C1orf167: variants seen among roughly 807,000 people sequenced by gnomAD.
The protein encoded by C1orf167 is uncharacterized protein C1orf167.
Under a neutral mutation model 176.5 loss-of-function variants are expected in C1orf167, and 153 were observed. That is an observed-to-expected ratio of 0.87 (90% CI 0.76 to 0.99). The LOEUF is 0.99. Ranked by LOEUF, C1orf167 falls within the 50% of genes least tolerant of loss-of-function variation. The probability of loss-of-function intolerance (pLI) is 0.00; values close to 1 mark genes in which losing one functional copy is unlikely to be tolerated. For missense variants in C1orf167, 1,490 were observed against 1,817.7 expected (o/e 0.82, Z 3.28); for synonymous variants, 594 against 752.7 (o/e 0.79, Z 3.45).
At chr1:11,771,683 G>A (rs1362108113) in intron 7 of C1orf167, 47 bp downstream of exon 7, 3 of 1,234,828 alleles carry the variant, frequency 2.4e-6, no homozygotes, top group Non-Finnish European at 3.2e-6. Context: ...GCCTGGCCAC[G>A]CAGGGCCTGA....
At chr1:11,775,372 C>A in intron 8 of C1orf167, 63 bp from the exon 9 acceptor site, 1 of 1,196,788 alleles carries the variant, frequency 8.4e-7, no homozygotes. Flanking sequence ...CAATGGCAGG[C>A]AGCTGGAGCC....
Position 11,768,082 on chromosome 1 carries a change from A to G in C1orf167, c.1349A>G (p.Gln450Arg). ...TAPESEAICW[Q>R]LLSRCFRSWR... ...CAGCCCTGGTCTGTCCCCAGCTGGC[A>G]GCTGTTGTCCAGATGTTTTCGATCC... Residue 450 changes from glutamine (Q) to arginine (R), a missense_variant, in exon 5 of 21, where the codon CAG (glutamine) becomes CGG (arginine). Coordinates refer to ENST00000688073, the MANE Select transcript of C1orf167 (RefSeq NM_001010881.2). The surrounding 1 kb of genome is among the most constrained non-coding windows in gnomAD (Gnocchi z 4.5). 7.8e-7 allele frequency: 1 copy of G among 1,286,142 alleles called. No homozygotes were observed. The allele number at this position is 1,286,142 out of a possible 1,614,324, so 79.7% of individuals were successfully genotyped here.
Position 11,771,644 on chromosome 1 carries a change from G to A in C1orf167, c.1810+8G>A, listed in dbSNP as rs923983701. 22 of 1,288,668 alleles carry A rather than the reference G, an allele frequency of 1.7e-5. No individual in the cohort carries two copies. The highest frequency in any genetic ancestry group is 4.6e-5 in the African/African-American group (3 of 65,864). The allele number at this position is 1,288,668 out of a possible 1,614,324, so 79.8% of individuals were successfully genotyped here. A position where few individuals can be genotyped will look rare whatever the true frequency, so the allele number is the denominator to read the frequency against. On this transcript the variant is annotated splice_region_variant and intron_variant, in intron 7 of 20. Transcript: ENST00000688073. ...AGGCCCTGCAACTGGCTGGTGAGAC[G>A]TGGGGTGCTGGGAAAGCGGGGAGAT...
chr1:11,766,884 AC>A lies in C1orf167; in HGVS notation c.1099del (p.Gln367ArgfsTer97). 7.9e-7 allele frequency: 1 copy of A among 1,261,724 alleles called. No individual in the cohort carries two copies. Among genetic ancestry groups the A allele is most frequent in the South Asian group, 1.3e-5 (1 of 76,732 alleles). 78.2% of individuals were successfully genotyped at this position (1,261,724 alleles called of 1,614,324 possible). On this transcript the variant is annotated frameshift_variant, in exon 3 of 21. Coordinates refer to ENST00000688073, the MANE Select transcript of C1orf167 (RefSeq NM_001010881.2). LOFTEE classifies it high-confidence loss of function. This position sits in a 1 kb window ranked among gnomAD's most constrained non-coding sequence, Gnocchi z 4.5. ...CSPWSQDGRA[Q>X]RGDPSLPRGV... The stretch of plus-strand genomic sequence containing the variant: ...CCCCCTGGTCTCAAGATGGCAGGGC[AC>A]AGAGGGGTGACCCCAGTCTCCCTCG...
chr1:11,764,650 G>C (rs1321570237), intron 2 of C1orf167, among the ~76,000 whole-genome samples, 180 bp downstream of exon 2: 1 of 152,216 alleles, frequency 6.6e-6, no homozygotes, highest in African/African-American at 2.4e-5. Context: ...TAAGGAGGGG[G>C]GTCTTGGGAG....
In C1orf167 at chr1:11,766,336, A is replaced by C; in HGVS notation, c.550A>C (p.Thr184Pro). The change falls in exon 3 of 21, where the codon ACT becomes CCT. Residue 184 changes from threonine to proline, a missense_variant. Transcript: ENST00000688073. This position sits in a 1 kb window ranked among gnomAD's most constrained non-coding sequence, Gnocchi z 4.5. ...CACCCCTAGCGGGGACTTCAGGCCC[A>C]CTGAAGCCTTTGCCCCTCTCGATGG... ...PGTPSGDFRP[T>P]EAFAPLDGHT... 1 of 1,282,156 alleles carries C rather than the reference A, an allele frequency of 7.8e-7. No individual in the cohort carries two copies. The highest frequency in any genetic ancestry group is 1.0e-6 in the Non-Finnish European group (1 of 985,650). 79.4% of individuals were successfully genotyped at this position (1,282,156 alleles called of 1,614,324 possible).
At chr1:11,787,334 C>G (rs1051200948) in intron 16 of C1orf167, 54 bp from the exon 17 acceptor site, 113 of 1,151,664 alleles carry the variant, frequency 9.8e-5, no homozygotes, top group Middle Eastern at 5.9e-4. Flanking sequence ...CAGCGGGGCC[C>G]CAGGAAGTCC....
intron 13 of C1orf167, among the ~76,000 whole-genome samples, chr1:11,781,421 G>C (rs1055590266): frequency 5.3e-5 from 8 of 152,144 alleles, no homozygotes; most frequent in Admixed American, 6.5e-5. Flanking sequence ...CCCAGGACAC[G>C]AACACAGGAT....
rs150449128 is a variant in C1orf167, at chr1:11,787,460, C to T, written c.3640C>T (p.Arg1214Trp). ...ATCACTGCAGTGCAGCCTGGGTGGACGGAGGAAGCCAAGGGGAACGGCCTG... is the reference window on the plus strand; with the variant it reads ...ATCACTGCAGTGCAGCCTGGGTGGATGGAGGAAGCCAAGGGGAACGGCCTG... Reference protein sequence around the residue: ...APSLQCSLGGRRKPRGTAWAQ... With the variant: ...APSLQCSLGGWRKPRGTAWAQ... The change falls in exon 17 of 21, where the codon CGG becomes TGG. Residue 1214 changes from arginine (R) to tryptophan (W), a missense_variant. Coordinates refer to ENST00000688073, the MANE Select transcript of C1orf167 (RefSeq NM_001010881.2). The T allele has an allele frequency of 4.9e-4, 639 of 1,303,288 alleles. 3 individuals are homozygous for T. The African/African-American group carries it at 8.2e-3, about 17-fold the overall frequency. The allele number at this position is 1,303,288 out of a possible 1,614,324, so 80.7% of individuals were successfully genotyped here.
rs114673809 is a variant in C1orf167, at chr1:11,787,703, G to A, written c.3674-170G>A. 1,087 of 1,040,424 alleles carry A rather than the reference G, an allele frequency of 1.0e-3. 16 individuals carry two copies. The African/African-American group carries it at 0.017, about 16-fold the overall frequency. 64.4% of individuals were successfully genotyped at this position (1,040,424 alleles called of 1,614,324 possible). Reference sequence around the variant, plus strand: ...CCGCCCCTGTGATTTCTCTTTGGGCGGCAGGCAGCCGGGAGAGGCTGGAGG... The same window carrying A: ...CCGCCCCTGTGATTTCTCTTTGGGCAGCAGGCAGCCGGGAGAGGCTGGAGG... On this transcript the variant is annotated intron_variant, in intron 17 of 20. Coordinates refer to ENST00000688073, the MANE Select transcript of C1orf167 (RefSeq NM_001010881.2).
At chr1:11,779,220 C>A in intron 12 of C1orf167, 140 bp downstream of exon 12, 1 of 804,112 alleles carries the variant, frequency 1.2e-6, no homozygotes, top group Non-Finnish European at 1.7e-6. Flanking sequence ...TGTCTTCCTG[C>A]CCCGTCCTAC....
rs147195468 is a variant in C1orf167 at position 11,771,069 on chromosome 1, AT to A, written c.1698-428del. On this transcript the variant is annotated intron_variant, in intron 6 of 20. Transcript: ENST00000688073. ...TGTGTGTATATATATATATATATAT[AT>A]TTTTTTTTTTTTTTTTTTTTTTTTT... 3.1e-3 allele frequency among the ~76,000 whole-genome samples: 145 copies of A among 47,168 alleles called. 1 individual carries two copies. The highest frequency in any genetic ancestry group is 6.2e-3 in the African/African-American group (63 of 10,168). 30.9% of individuals were successfully genotyped at this position (47,168 alleles called of 152,430 possible).
rs770225073 is a variant in C1orf167, at chr1:11,769,105, A to G, written c.1675A>G (p.Arg559Gly). 3.0e-6 allele frequency: 3 copies of G among 985,776 alleles called. No homozygotes were observed. Among genetic ancestry groups the G allele is most frequent in the Non-Finnish European group, 2.4e-6 (2 of 829,964 alleles). The allele number at this position is 985,776 out of a possible 1,614,324, so 61.1% of individuals were successfully genotyped here. ...AAGCACAGTGGTGGACCCCGCCCAG[A>G]GAAGCAGGCTGGAACACACCAGGTT... ...GRSTVVDPAQ[R>G]SRLEHTSPGS... Residue 559 changes from arginine (R) to glycine (G), a missense_variant, in exon 6 of 21, where the codon AGA becomes GGA. By Grantham distance (125) the Arg-to-Gly change is moderately radical. Transcript: ENST00000688073.
chr1:11,768,081 C>T lies in C1orf167; in HGVS notation c.1348C>T (p.Gln450Ter), dbSNP rs927810284. 120 of 1,285,286 alleles carry T rather than the reference C, an allele frequency of 9.3e-5. No homozygotes were observed. The highest frequency in any genetic ancestry group is 1.2e-4 in the Non-Finnish European group (118 of 986,446). 79.6% of individuals were successfully genotyped at this position (1,285,286 alleles called of 1,614,324 possible). A position where few individuals can be genotyped will look rare whatever the true frequency, so the allele number is the denominator to read the frequency against. The change falls in exon 5 of 21, where the codon CAG becomes TAG. Residue 450 changes from glutamine (Q) to a stop codon, truncating the protein, a stop_gained. Transcript: ENST00000688073. LOFTEE classifies it high-confidence loss of function. The surrounding 1 kb of genome is among the most constrained non-coding windows in gnomAD (Gnocchi z 4.5). ...TAPESEAICWQLLSRCFRSWR... is the reference protein window; with the variant it reads ...TAPESEAICW ...TCAGCCCTGGTCTGTCCCCAGCTGG[C>T]AGCTGTTGTCCAGATGTTTTCGATC...
At position 11,762,303 on chromosome 1, in the gene C1orf167, C is replaced by A; in HGVS notation, c.-73C>A. 2.6e-6 allele frequency: 1 copy of A among 389,038 alleles called. No individual in the cohort carries two copies. The highest frequency in any genetic ancestry group is 3.0e-5 in the Admixed American group (1 of 33,736). The allele number at this position is 389,038 out of a possible 1,614,324, so 24.1% of individuals were successfully genotyped here. A position where few individuals can be genotyped will look rare whatever the true frequency, so the allele number is the denominator to read the frequency against. On this transcript the variant is annotated splice_region_variant and 5_prime_UTR_variant, in exon 1 of 21. Transcript: ENST00000688073. ...AAGGAGGACCCGAGGAGGACCCACG[C>A]ACGTGAGGGCAGATCCATGAGGGCA...
rs867995790 is a variant in C1orf167 at position 11,787,599 on chromosome 1, T to A, written c.3673+106T>A. 1.5e-5 allele frequency: 13 copies of A among 862,504 alleles called. No homozygotes were observed. The Middle Eastern group carries it at 8.4e-4, about 55-fold the overall frequency. The allele number at this position is 862,504 out of a possible 1,614,324, so 53.4% of individuals were successfully genotyped here. A position where few individuals can be genotyped will look rare whatever the true frequency, so the allele number is the denominator to read the frequency against. On this transcript the variant is annotated intron_variant, in intron 17 of 20. Transcript: ENST00000688073. The stretch of plus-strand genomic sequence containing the variant: ...ATCAGCTCCTTGGGACACGGTCTTA[T>A]GTGTATTGACCATTCTCCCCATCCA...
chr1:11,774,994 C>T (rs1043114933), intron 8 of C1orf167, among the ~76,000 whole-genome samples: 2 of 152,148 alleles, frequency 1.3e-5, no homozygotes, highest in African/African-American at 2.4e-5. Flanking sequence ...GATGAGAAAA[C>T]GGAGGCTTGG....
chr1:11,767,325 G>C lies in C1orf167; in HGVS notation c.1343+61G>C, dbSNP rs547570454. ...TTGGGGGACACGTGCTCAGGACTCC[G>C]CTCCCATTTGCCTGTCCAAATGGAG... On this transcript the variant is annotated intron_variant, in intron 4 of 20. Coordinates refer to ENST00000688073, the MANE Select transcript of C1orf167 (RefSeq NM_001010881.2). 2.4e-6 allele frequency: 3 copies of C among 1,234,950 alleles called. No homozygotes were observed. In the African/African-American group the frequency reaches 4.6e-5, roughly 19 times the overall value. 76.5% of individuals were successfully genotyped at this position (1,234,950 alleles called of 1,614,324 possible).
rs1557737233 is a variant in C1orf167 at position 11,779,807 on chromosome 1, TC to T, written c.2659del (p.Leu887SerfsTer106). On this transcript the variant is annotated frameshift_variant, in exon 13 of 21. Transcript: ENST00000688073. LOFTEE classifies it high-confidence loss of function. The part of the protein sequence containing the change: ...WYQHTRQRRI[F>X]LSWSRWATAQ... ...GTGGACCCTCCCTTTCCCAGCATCTTCCTCAGCTGGAGCCGCTGGGCAACAG... is the reference window on the plus strand; with the variant it reads ...GTGGACCCTCCCTTTCCCAGCATCTTCTCAGCTGGAGCCGCTGGGCAACAG... 3 of 1,301,110 alleles carry T rather than the reference TC, an allele frequency of 2.3e-6. No individual in the cohort carries two copies. The Admixed American group carries it at 6.9e-5, about 30-fold the overall frequency. 80.6% of individuals were successfully genotyped at this position (1,301,110 alleles called of 1,614,324 possible).
Sources: allele counts gnomAD v4.1 joint callset (sites outside exome capture counted in the v4.1 genomes callset), GRCh38; gene constraint gnomAD v4.1.1; non-coding constraint Gnocchi (gnomAD v3.1); transcripts MANE v1.5; gene names NCBI Gene and HGNC (gene_info 2026-07-23, HGNC 2026-07-21).